RSRC1: variants seen among roughly 807,000 people sequenced by gnomAD.
RSRC1 encodes serine/Arginine-related protein 53.
In RSRC1, 39 loss-of-function variants were observed where a neutral mutation model predicts 49.1. The ratio of observed to expected loss-of-function variants is 0.79; its 90% CI spans 0.61 to 1.04. RSRC1 has a LOEUF of 1.04. Among genes scored for constraint, RSRC1 ranks in the 50% least tolerant of loss-of-function variants. The pLI is 0.00. For synonymous variants in RSRC1, 143 were observed against 130.8 expected (o/e 1.09, Z -0.63); for missense variants, 388 against 402.4 (o/e 0.96, Z 0.31).
intron 3 of RSRC1, among the ~76,000 whole-genome samples, chr3:158,145,968 C>T (rs1454725847): frequency 6.6e-6 from 1 of 152,134 alleles, no homozygotes; most frequent in African/African-American, 2.4e-5. Context: ...GTGATGTTTG[C>T]ACATTGATTT....
chr3:158,150,884 A>C (rs1404848516), intron 3 of RSRC1, among the ~76,000 whole-genome samples: 4 of 152,180 alleles, frequency 2.6e-5, no homozygotes, highest in Admixed American at 2.6e-4. Context: ...GATTCTTTGT[A>C]AGGAATTCAT....
At chr3:158,190,811 C>G (rs1720199056) in intron 3 of RSRC1, among the ~76,000 whole-genome samples, 1 of 151,900 alleles carries the variant, frequency 6.6e-6, no homozygotes, top group African/African-American at 2.4e-5. Flanking sequence ...TGATAATTTT[C>G]TTGGATCAGC....
intron 5 of RSRC1, among the ~76,000 whole-genome samples, chr3:158,329,403 A>G (rs1159399712): frequency 6.6e-6 from 1 of 151,986 alleles, no homozygotes; most frequent in Non-Finnish European, 1.5e-5. Context: ...GGTGACATAC[A>G]GTTGGGGTCT....
chr3:158,176,816 G>A (rs559903000), intron 3 of RSRC1, among the ~76,000 whole-genome samples: 7 of 152,284 alleles, frequency 4.6e-5, no homozygotes, highest in Non-Finnish European at 8.8e-5. Flanking sequence ...AAACTCAAGA[G>A]CTTCTGCACG....
chr3:158,485,383 GC>G (rs1738777319), intron 7 of RSRC1, among the ~76,000 whole-genome samples: 1 of 152,000 alleles, frequency 6.6e-6, no homozygotes, highest in Non-Finnish European at 1.5e-5. Context: ...ACAAAACCAA[GC>G]TTACTTTAAT....
chr3:158,510,229 G>A (rs1032449382), intron 7 of RSRC1, among the ~76,000 whole-genome samples: 7 of 152,112 alleles, frequency 4.6e-5, no homozygotes, highest in Non-Finnish European at 1.0e-4. Context: ...TCTCATGTAT[G>A]TATTGGTCAT....
At chr3:158,368,851 A>T (rs1275805122) in intron 6 of RSRC1, among the ~76,000 whole-genome samples, 6 of 152,166 alleles carry the variant, frequency 3.9e-5, no homozygotes. Flanking sequence ...TTATAGGAGA[A>T]ATTATAGGTC....
Position 158,123,967 on chromosome 3 carries a change from C to T in RSRC1, c.296C>T (p.Ser99Phe). The change falls in exon 3 of 10, where the codon TCT becomes TTT. Residue 99 changes from serine to phenylalanine, a missense_variant. Ser to Phe is a radical substitution (Grantham distance 155, BLOSUM62 -2). Transcript: ENST00000611884. The part of the protein sequence containing the change: ...GRGKSYRVQR[S>F]RSKSRTRRSR... Reference sequence around the variant, plus strand: ...GGGAAATCCTATAGAGTTCAGAGGTCTAGGTCAAAAAGCAGAACAAGAAGG... The same window carrying T: ...GGGAAATCCTATAGAGTTCAGAGGTTTAGGTCAAAAAGCAGAACAAGAAGG... The T allele has an allele frequency of 1.2e-6, 2 of 1,602,344 alleles. No homozygotes were observed. Among genetic ancestry groups the T allele is most frequent in the East Asian group, 2.2e-5 (1 of 44,772 alleles).
intron 7 of RSRC1, among the ~76,000 whole-genome samples, chr3:158,484,706 A>C (rs1165281832): frequency 1.3e-5 from 2 of 152,258 alleles, no homozygotes; most frequent in Non-Finnish European, 1.5e-5. Context: ...TGACTCAAAC[A>C]ATTTTTGGAA....
chr3:158,119,066 TC>T (rs1262293723), intron 1 of RSRC1, among the ~76,000 whole-genome samples: 6 of 152,184 alleles, frequency 3.9e-5, no homozygotes, highest in Non-Finnish European at 1.5e-5. Context: ...TTCATTTTTC[TC>T]CCCAAAATAA....
chr3:158,382,903 A>G (rs1229293506), intron 6 of RSRC1, among the ~76,000 whole-genome samples: 1 of 152,180 alleles, frequency 6.6e-6, no homozygotes, highest in African/African-American at 2.4e-5. Context: ...TTTCACCCCT[A>G]CAAAGAGCTA....
intron 4 of RSRC1, among the ~76,000 whole-genome samples, chr3:158,256,362 T>A (rs1464397991): frequency 6.6e-6 from 1 of 152,210 alleles, no homozygotes; most frequent in Non-Finnish European, 1.5e-5. Context: ...ATGGATTACA[T>A]TTATGATTTG....
chr3:158,274,370 C>CT (rs71144453), intron 4 of RSRC1, among the ~76,000 whole-genome samples: 70,058 of 147,318 alleles, frequency 0.48, 16,840 homozygotes, highest in East Asian at 0.64. Context: ...CAAGGTTAGT[C>CT]TTTTTTTTTT....
At chr3:158,329,554 T>C (rs1729410442) in intron 5 of RSRC1, among the ~76,000 whole-genome samples, 1 of 152,196 alleles carries the variant, frequency 6.6e-6, no homozygotes, top group Admixed American at 6.5e-5. Context: ...GAACAGCGAA[T>C]ATTGCTGAAC....
At chr3:158,284,419 G>T (rs927882229) in intron 4 of RSRC1, among the ~76,000 whole-genome samples, 6 of 146,566 alleles carry the variant, frequency 4.1e-5, no homozygotes, top group African/African-American at 1.5e-4. Context: ...GTAATGGGAT[G>T]GCTGGGTCAA....
At chr3:158,497,412 C>T (rs1480258616) in intron 7 of RSRC1, among the ~76,000 whole-genome samples, 1 of 145,506 alleles carries the variant, frequency 6.9e-6, no homozygotes, top group African/African-American at 2.5e-5. Context: ...TCCCACTCTT[C>T]CCCCCAAGTC....
intron 6 of RSRC1, among the ~76,000 whole-genome samples, chr3:158,396,397 T>G (rs1452221794): frequency 6.6e-6 from 1 of 151,884 alleles, no homozygotes; most frequent in Non-Finnish European, 1.5e-5. Context: ...GCAATGTTTT[T>G]TTTTTTTTTA....
At chr3:158,268,373 G>A (rs1029497529) in intron 4 of RSRC1, among the ~76,000 whole-genome samples, 2 of 152,112 alleles carry the variant, frequency 1.3e-5, no homozygotes, top group African/African-American at 2.4e-5. Flanking sequence ...TTAGTCAAGG[G>A]TTTTGACTTA....
chr3:158,143,648 C>T (rs897505765), intron 3 of RSRC1, among the ~76,000 whole-genome samples: 37 of 151,786 alleles, frequency 2.4e-4, no homozygotes, highest in African/African-American at 8.5e-4. Flanking sequence ...TAGTATTCTC[C>T]AAATTTTTTA....
Sources: allele counts gnomAD v4.1 joint callset (sites outside exome capture counted in the v4.1 genomes callset), GRCh38; gene constraint gnomAD v4.1.1; transcripts MANE v1.5; gene names NCBI Gene and HGNC (gene_info 2026-07-23, HGNC 2026-07-21).